EPM2A: variants seen among roughly 807,000 people sequenced by gnomAD.
The protein encoded by EPM2A is laforin.
Under a neutral mutation model 26.5 loss-of-function variants are expected in EPM2A, and 21 were observed. The observed-to-expected ratio is 0.79, with a 90% CI of 0.56 to 1.14. The LOEUF (loss-of-function observed/expected upper bound fraction) is 1.14. Among genes scored for constraint, EPM2A ranks in the 50% most tolerant of loss-of-function variants. The pLI, the probability that EPM2A is intolerant of heterozygous loss-of-function variation, is 0.00. For synonymous variants in EPM2A, 217 were observed against 177.6 expected, an observed-to-expected ratio of 1.22 and a Z score of -1.76; for missense variants, 458 against 440.8, an observed-to-expected ratio of 1.04 and a Z score of -0.35.
chr6:145,502,140 G>C (rs1489798166), intron 3 of EPM2A, among the ~76,000 whole-genome samples: 2 of 152,194 alleles, frequency 1.3e-5, no homozygotes, highest in Admixed American at 6.5e-5. Context: ...TTTGAAATTG[G>C]TATAAAGCAC....
At chr6:145,408,772 G>A (rs995338991) in intron 4 of EPM2A, among the ~76,000 whole-genome samples, 3 of 152,122 alleles carry the variant, frequency 2.0e-5, no homozygotes, top group Admixed American at 2.0e-4. Flanking sequence ...TCTGGAGGCT[G>A]GGAAGTCCAA....
intron 2 of EPM2A, 152 bp from the exon 3 acceptor site, chr6:145,635,638 T>C (rs1455513534): frequency 9.3e-5 from 68 of 732,090 alleles, no homozygotes; most frequent in Middle Eastern, 3.9e-4. Flanking sequence ...CCAATGTTAT[T>C]ATTGAAAGAA....
chr6:145,533,841 T>A (rs2114786548), intron 2 of EPM2A, among the ~76,000 whole-genome samples: 1 of 152,264 alleles, frequency 6.6e-6, no homozygotes, highest in South Asian at 2.1e-4. Flanking sequence ...ATTTGCATGC[T>A]TGTTTATTGT....
chr6:145,417,457 CA>C (rs1421777267), intron 4 of EPM2A, among the ~76,000 whole-genome samples: 3 of 152,118 alleles, frequency 2.0e-5, no homozygotes, highest in African/African-American at 4.8e-5. Flanking sequence ...TCGTCAGGCT[CA>C]GGGGCTAAAA....
intron 2 of EPM2A, among the ~76,000 whole-genome samples, chr6:145,648,570 T>C (rs555019762): frequency 1.3e-5 from 2 of 152,376 alleles, no homozygotes; most frequent in South Asian, 4.1e-4. Context: ...AATGTGATTC[T>C]AGAGCAGTGT....
intron 4 of EPM2A, among the ~76,000 whole-genome samples, chr6:145,461,512 A>G (rs1211740419): frequency 6.6e-6 from 1 of 152,180 alleles, no homozygotes; most frequent in African/African-American, 2.4e-5. Flanking sequence ...TTCATACATA[A>G]TATCTCTGTA....
chr6:145,630,482 G>T (rs12524870), intron 3 of EPM2A: 2,202 of 152,214 alleles, frequency 0.014, 27 homozygotes, highest in Middle Eastern at 0.034. Context: ...AGGCATGGTG[G>T]TATACACCTG....
At chr6:145,444,496 T>A (rs1245389563) in intron 4 of EPM2A, among the ~76,000 whole-genome samples, 1 of 152,240 alleles carries the variant, frequency 6.6e-6, no homozygotes, top group African/African-American at 2.4e-5. Flanking sequence ...TAATATTTTG[T>A]TGATGTTTGC....
rs1197226005 is a variant in EPM2A, at chr6:145,494,975, A to C, written c.555+7547T>G. Among the ~76,000 whole-genome samples the C allele has an allele frequency of 4.6e-5, 7 of 152,266 alleles. No homozygotes were observed. In the South Asian group the frequency reaches 1.2e-3, roughly 27 times the overall value. Reference sequence around the variant, plus strand: ...AGAATGTATATTCTGTTGCTTTTGGATGGAGAGTTCTGTAGATACCTATCG... The same window carrying C: ...AGAATGTATATTCTGTTGCTTTTGGCTGGAGAGTTCTGTAGATACCTATCG... On this transcript the variant is annotated intron_variant, in intron 4 of 4. Transcript: ENST00000638717.
At chr6:145,581,435 T>C (rs1194998077) in intron 2 of EPM2A, among the ~76,000 whole-genome samples, 3 of 152,214 alleles carry the variant, frequency 2.0e-5, no homozygotes, top group South Asian at 2.1e-4. Flanking sequence ...TTTTCTTCCA[T>C]TCTGTGGGTT....
In EPM2A at chr6:145,627,651, G is replaced by T. The variant is rs138798058; in HGVS notation, c.761C>A (p.Ala254Glu). The T allele has an allele frequency of 6.2e-7, 1 of 1,613,980 alleles. No homozygotes were observed. Among genetic ancestry groups the T allele is most frequent in the African/African-American group, 1.3e-5 (1 of 74,948 alleles). ...MLPQAVCLLHALLEKGHIVYV... is the reference protein window; with the variant it reads ...MLPQAVCLLHELLEKGHIVYV... ...CACGATGTGTCCCTTCTCCAGCAGC[G>T]CATGCAGCAGGCACACCGCCTGGGG... is the stretch of plus-strand genomic sequence containing the variant. The change falls in exon 4 of 4, where the codon GCG (alanine) becomes GAG (glutamate). Residue 254 changes from alanine to glutamate, a missense_variant. Physicochemically the swap from Ala to Glu is moderately radical, Grantham distance 107. Coordinates refer to ENST00000367519, the MANE Select transcript of EPM2A (RefSeq NM_005670.4).
intron 1 of EPM2A, among the ~76,000 whole-genome samples, chr6:145,692,326 G>T (rs1450036607): frequency 6.6e-6 from 1 of 151,832 alleles, no homozygotes; most frequent in Non-Finnish European, 1.5e-5. Flanking sequence ...CAGAAAATCA[G>T]CAAGGATATT....
intron 4 of EPM2A, among the ~76,000 whole-genome samples, chr6:145,496,430 T>C (rs1779821381): frequency 6.6e-6 from 1 of 152,194 alleles, no homozygotes; most frequent in Admixed American, 6.5e-5. Context: ...TTTTCCAAAT[T>C]GGTTCCATTC....
intron 4 of EPM2A, among the ~76,000 whole-genome samples, chr6:145,417,174 G>C (rs78365048): frequency 6.6e-6 from 1 of 152,128 alleles, no homozygotes; most frequent in African/African-American, 2.4e-5. Flanking sequence ...GTTGCTCTTC[G>C]CTTATTTCAA....
intron 1 of EPM2A, among the ~76,000 whole-genome samples, chr6:145,717,417 A>C (rs1277284586): frequency 1.3e-5 from 2 of 151,926 alleles, no homozygotes; most frequent in Non-Finnish European, 1.5e-5. Flanking sequence ...AAATTCAACA[A>C]CCCTTCATGC....
intron 4 of EPM2A, among the ~76,000 whole-genome samples, chr6:145,384,750 G>A (rs913633261): frequency 6.8e-6 from 1 of 147,646 alleles, no homozygotes; most frequent in Non-Finnish European, 1.5e-5. Context: ...GAATATGCAT[G>A]TGGATATGCA....
intron 2 of EPM2A, among the ~76,000 whole-genome samples, chr6:145,658,176 A>C (rs1240471225): frequency 3.3e-5 from 5 of 152,240 alleles, no homozygotes; most frequent in Non-Finnish European, 7.3e-5. Flanking sequence ...ACTTTAAGCC[A>C]AGTTAGATAG....
chr6:145,509,974 G>GA (rs1229649396), intron 2 of EPM2A, among the ~76,000 whole-genome samples: 1 of 151,580 alleles, frequency 6.6e-6, no homozygotes, highest in African/African-American at 2.4e-5. Context: ...CAAAAACAGT[G>GA]AAAAAGGACA....
intron 1 of EPM2A, among the ~76,000 whole-genome samples, chr6:145,713,465 G>A (rs1158659399): frequency 6.6e-6 from 1 of 152,034 alleles, no homozygotes; most frequent in African/African-American, 2.4e-5. Context: ...CTTCCATATT[G>A]ACATAAAGCC....
Sources: gnomAD v4.1 joint callset for allele counts (sites outside exome capture counted in the v4.1 genomes callset) on GRCh38, gnomAD v4.1.1 for gene constraint, MANE v1.5 for transcripts, NCBI Gene and HGNC (gene_info 2026-07-23, HGNC 2026-07-21) for gene names.